Variants in SHB observed in about 807,000 individuals in gnomAD.
The protein encoded by SHB is SH2 domain containing adaptor protein B.
SHB carries 20 observed loss-of-function variants against 52.3 expected under a neutral mutation model. That is an observed-to-expected ratio of 0.38 (90% CI 0.27 to 0.56). The LOEUF is 0.56. Ranked by LOEUF, SHB falls within the 20% of genes least tolerant of loss-of-function variation. The pLI is 0.71. For missense variants in SHB, 825 were observed against 723.3 expected, an observed-to-expected ratio of 1.14 and a Z score of -1.61; for synonymous variants, 397 against 316.5, an observed-to-expected ratio of 1.25 and a Z score of -2.70.
At chr9:37,945,532 G>C (rs547568848) in intron 5 of SHB, among the ~76,000 whole-genome samples, 1 of 152,338 alleles carries the variant, frequency 6.6e-6, no homozygotes, top group Non-Finnish European at 1.5e-5. Context: ...TCAGGGGAAA[G>C]CTGGGCAGGT....
At chr9:38,029,872 A>C (rs1299265364) in intron 1 of SHB, among the ~76,000 whole-genome samples, 1 of 152,242 alleles carries the variant, frequency 6.6e-6, no homozygotes, top group Non-Finnish European at 1.5e-5. Flanking sequence ...TATTTGATAA[A>C]TAAGTAAATG....
intron 5 of SHB, among the ~76,000 whole-genome samples, chr9:37,921,237 C>T (rs1023918073): frequency 4.6e-5 from 7 of 152,196 alleles, no homozygotes; most frequent in East Asian, 1.9e-4. Context: ...CCCATCTCCA[C>T]GGCCTCCAGC....
intron 1 of SHB, among the ~76,000 whole-genome samples, chr9:38,048,281 T>A (rs1275017460): frequency 6.6e-6 from 1 of 152,214 alleles, no homozygotes. Context: ...TCTACATATG[T>A]CGGTGGGAAT....
chr9:38,042,613 A>C (rs1821598376), intron 1 of SHB, among the ~76,000 whole-genome samples: 1 of 152,164 alleles, frequency 6.6e-6, no homozygotes, highest in South Asian at 2.1e-4. Flanking sequence ...TCTACCTCCA[A>C]GGGAGTGACA....
intron 5 of SHB, among the ~76,000 whole-genome samples, chr9:37,938,696 C>A (rs1358056725): frequency 6.6e-6 from 1 of 152,174 alleles, no homozygotes; most frequent in Non-Finnish European, 1.5e-5. Flanking sequence ...CTGGAGAAGA[C>A]CAAGGAGCTC....
chr9:37,956,632 T>C (rs1204927272), intron 3 of SHB, among the ~76,000 whole-genome samples: 1 of 152,150 alleles, frequency 6.6e-6, no homozygotes, highest in Non-Finnish European at 1.5e-5. Flanking sequence ...GGAAGGGCCA[T>C]TCCACATGCT....
chr9:37,949,056 C>T (rs1365297505), intron 4 of SHB, among the ~76,000 whole-genome samples: 1 of 152,128 alleles, frequency 6.6e-6, no homozygotes, highest in Non-Finnish European at 1.5e-5. Flanking sequence ...GTGGCATAGG[C>T]TCATGGAGCT....
rs553041848 is a variant in SHB at position 37,997,114 on chromosome 9, G to A, written c.838+18897C>T. 5.3e-5 allele frequency among the ~76,000 whole-genome samples: 8 copies of A among 152,278 alleles called. No individual in the cohort carries two copies. In the South Asian group the frequency reaches 1.7e-3, roughly 32 times the overall value. Reference sequence around the variant, plus strand: ...GTGGGTACAGTCCAAGCCCCTTAGGGGGCTCAGAAAGCCCTTTATGAACTA... The same window carrying A: ...GTGGGTACAGTCCAAGCCCCTTAGGAGGCTCAGAAAGCCCTTTATGAACTA... On this transcript the variant is annotated intron_variant, in intron 2 of 5. Coordinates refer to ENST00000377707, the MANE Select transcript of SHB (RefSeq NM_003028.3).
At chr9:37,949,833 T>C (rs1019320604) in intron 4 of SHB, among the ~76,000 whole-genome samples, 1 of 152,222 alleles carries the variant, frequency 6.6e-6, no homozygotes, top group African/African-American at 2.4e-5. Context: ...CCAGATGCCA[T>C]GCATGCCAGA....
At chr9:38,016,166 T>C in intron 1 of SHB, 35 bp from the exon 2 acceptor site, 1 of 1,611,288 alleles carries the variant, frequency 6.2e-7, no homozygotes, top group Non-Finnish European at 8.5e-7. Flanking sequence ...TGAGTCCACC[T>C]TTGGCTTTTT....
At chr9:38,013,379 G>A (rs993587186) in intron 2 of SHB, among the ~76,000 whole-genome samples, 4 of 152,184 alleles carry the variant, frequency 2.6e-5, no homozygotes, top group African/African-American at 9.7e-5. Context: ...AGGAGGCCAT[G>A]GTGGGAGGAT....
At chr9:37,921,856 TTAAG>T (rs1564079424) in intron 5 of SHB, among the ~76,000 whole-genome samples, 1 of 152,204 alleles carries the variant, frequency 6.6e-6, no homozygotes, top group Non-Finnish European at 1.5e-5. Context: ...CTGTGATTGC[TTAAG>T]TAATGCGCTG....
chr9:37,933,288 TAAGTA>T (rs1332421379), intron 5 of SHB, among the ~76,000 whole-genome samples: 1 of 152,250 alleles, frequency 6.6e-6, no homozygotes, highest in Non-Finnish European at 1.5e-5. Context: ...CACTGAAAGC[TAAGTA>T]AAGAGCTCAG....
intron 1 of SHB, among the ~76,000 whole-genome samples, chr9:38,025,587 C>G (rs139301749): frequency 1.1e-4 from 17 of 152,336 alleles, no homozygotes; most frequent in African/African-American, 3.8e-4. Flanking sequence ...AGCTCAGGGT[C>G]ACAGGTGCCG....
In SHB at chr9:38,069,217, T is replaced by A. The variant is rs1415688463; in HGVS notation, c.-572A>T. ...CCCGTGCCCGTCCCGGCGGCGCCTG[T>A]CGCTGCCACTGCCGCCGCCTCCCGA... On this transcript the variant is annotated 5_prime_UTR_variant, in exon 1 of 6. Coordinates refer to ENST00000377707, the MANE Select transcript of SHB (RefSeq NM_003028.3). 6.8e-6 allele frequency: 1 copy of A among 147,138 alleles called. No homozygotes were observed. Among genetic ancestry groups the A allele is most frequent in the Non-Finnish European group, 1.5e-5 (1 of 66,106 alleles). 9.1% of individuals were successfully genotyped at this position (147,138 alleles called of 1,614,324 possible).
At chr9:38,055,512 C>T (rs948834498) in intron 1 of SHB, among the ~76,000 whole-genome samples, 4 of 152,130 alleles carry the variant, frequency 2.6e-5, no homozygotes, top group South Asian at 2.1e-4. Flanking sequence ...TGACCAAAAT[C>T]GTGTGGCCCA....
At chr9:38,020,877 T>G (rs1821273798) in intron 1 of SHB, among the ~76,000 whole-genome samples, 1 of 152,266 alleles carries the variant, frequency 6.6e-6, no homozygotes, top group Non-Finnish European at 1.5e-5. Flanking sequence ...CAAGGCTTTC[T>G]GTTTGAAACC....
At chr9:37,946,268 C>T (rs1017783571) in intron 5 of SHB, among the ~76,000 whole-genome samples, 4 of 152,308 alleles carry the variant, frequency 2.6e-5, no homozygotes, top group East Asian at 1.9e-4. Flanking sequence ...GCAGAATCAA[C>T]GTGTCGTCAA....
intron 4 of SHB, among the ~76,000 whole-genome samples, chr9:37,953,049 C>T (rs556075533): frequency 6.6e-6 from 1 of 151,814 alleles, no homozygotes; most frequent in African/African-American, 2.4e-5. Flanking sequence ...TCAGGTCAAG[C>T]AGAGGCAAGG....
Sources: allele counts gnomAD v4.1 joint callset (sites outside exome capture counted in the v4.1 genomes callset), GRCh38; gene constraint gnomAD v4.1.1; transcripts MANE v1.5; gene names NCBI Gene and HGNC (gene_info 2026-07-23, HGNC 2026-07-21).